PLK1: variants seen among roughly 807,000 people sequenced by gnomAD.
PLK1 encodes the protein polo like kinase 1.
A neutral mutation model predicts 56.7 loss-of-function variants in PLK1; 6 were observed. That is an observed-to-expected ratio of 0.11 (90% CI 0.06 to 0.21). The LOEUF is 0.21. Among genes scored for constraint, PLK1 ranks in the 10% least tolerant of loss-of-function variants. The pLI is 1.00. For synonymous variants in PLK1, 298 were observed against 325.0 expected (o/e 0.92, Z 0.89); for missense variants, 546 against 814.4 (o/e 0.67, Z 4.01).
Position 23,679,239 on chromosome 16 carries a change from T to A in PLK1, c.307T>A (p.Ser103Thr), listed in dbSNP as rs1187983580. The change falls in exon 1 of 10, where the codon TCC becomes ACC. Residue 103 changes from serine to threonine, a missense_variant. Physicochemically the swap from Ser to Thr is moderately conservative, Grantham distance 58 (BLOSUM62 1). This residue lies in a region of PLK1 where 111 missense variants were observed against 211.8 expected (regional missense o/e 0.52). Transcript: ENST00000300093. Reference sequence around the variant, plus strand: ...GAGGGAGAAGATGTCCATGGAAATATCCATTCACCGCAGCCTCGCCCACCA... The same window carrying A: ...GAGGGAGAAGATGTCCATGGAAATAACCATTCACCGCAGCCTCGCCCACCA... ...HQREKMSMEI[S>T]IHRSLAHQHV... 6.2e-7 allele frequency: 1 copy of A among 1,613,990 alleles called. No individual in the cohort carries two copies. Among genetic ancestry groups the A allele is most frequent in the African/African-American group, 1.3e-5 (1 of 74,930 alleles).
rs1228856341 is a variant in PLK1 at position 23,690,216 on chromosome 16, T to C, written c.*153T>C. 3 of 655,860 alleles carry C rather than the reference T, an allele frequency of 4.6e-6. No homozygotes were observed. Among genetic ancestry groups the C allele is most frequent in the Non-Finnish European group, 8.2e-6 (3 of 367,246 alleles). The allele number at this position is 655,860 out of a possible 1,614,324, so 40.6% of individuals were successfully genotyped here. On this transcript the variant is annotated 3_prime_UTR_variant, in exon 10 of 10. Coordinates refer to ENST00000300093, the MANE Select transcript of PLK1 (RefSeq NM_005030.6). The stretch of plus-strand genomic sequence containing the variant: ...TCATCCTTGCAGGTGGGGGTTGCTG[T>C]ATAAGTTATTTTTGTACATGTTCGG...
intron 5 of PLK1, among the ~76,000 whole-genome samples, chr16:23,685,490 C>G (rs886613259): frequency 2.0e-5 from 3 of 151,886 alleles, no homozygotes; most frequent in Non-Finnish European, 4.4e-5. Flanking sequence ...GTGGATTGCC[C>G]GAGCTCAGGA....
chr16:23,687,829 G>T (rs1567240272), intron 6 of PLK1: 2 of 388,156 alleles, frequency 5.2e-6, no homozygotes, highest in Middle Eastern at 6.4e-4. Context: ...CTAGCACCTC[G>T]ATGTGCCACC....
At chr16:23,686,572 A>G (rs1342896478) in intron 5 of PLK1, among the ~76,000 whole-genome samples, 2 of 152,140 alleles carry the variant, frequency 1.3e-5, no homozygotes, top group Admixed American at 1.3e-4. Flanking sequence ...GGCTCACTGC[A>G]GCCTCCACCT....
chr16:23,679,009 C>T lies in PLK1; in HGVS notation c.77C>T (p.Ala26Val). ...DPGKAGVPGV[A>V]APGAPAAAPP... ...GGGAAAGCCGGGGTCCCCGGAGTTG[C>T]AGCTCCCGGAGCTCCGGCGGCGGCT... The change falls in exon 1 of 10, where the codon GCA becomes GTA. Residue 26 changes from alanine (A) to valine (V), a missense_variant. Around this residue, in one of 7 missense-constraint regions of PLK1, gnomAD observed 72 missense variants for 63.7 expected, o/e 1.13. Transcript: ENST00000300093. 4 of 1,606,896 alleles carry T rather than the reference C, an allele frequency of 2.5e-6. No homozygotes were observed. The highest frequency in any genetic ancestry group is 3.4e-6 in the Non-Finnish European group (4 of 1,177,168).
rs1207951092 is a variant in PLK1 at position 23,689,592 on chromosome 16, G to A, written c.1524G>A (p.Leu508=). Residue 508 remains leucine (L), a synonymous_variant, in exon 9 of 10, where the codon CTG becomes CTA. Transcript: ENST00000300093. This position sits in a 1 kb window ranked among gnomAD's most constrained non-coding sequence, Gnocchi z 4.8. The part of the protein sequence containing the change: ...TPREGDELAR[L]PYLRTWFRTR... ...GCGAAGGTGATGAGCTCGCCCGGCTGCCCTACCTACGGACCTGGTTCCGCA... is the reference window on the plus strand; with the variant it reads ...GCGAAGGTGATGAGCTCGCCCGGCTACCCTACCTACGGACCTGGTTCCGCA... 1 of 1,613,372 alleles carries A rather than the reference G, an allele frequency of 6.2e-7. No individual in the cohort carries two copies. Among genetic ancestry groups the A allele is most frequent in the Non-Finnish European group, 8.5e-7 (1 of 1,179,988 alleles).
intron 5 of PLK1, among the ~76,000 whole-genome samples, chr16:23,686,468 C>T (rs556561301): frequency 7.2e-5 from 11 of 151,858 alleles, no homozygotes; most frequent in South Asian, 6.2e-4. Flanking sequence ...TTTTTGTTAC[C>T]GGTGTTTTAA....
At position 23,682,073 on chromosome 16, in the gene PLK1, GT is replaced by G; in HGVS notation, c.734del (p.Leu245Ter). The G allele has an allele frequency of 6.3e-7, 1 of 1,592,284 alleles. No homozygotes were observed. The highest frequency in any genetic ancestry group is 8.6e-7 in the Non-Finnish European group (1 of 1,160,094). ...TACCTTGTGCTTACAGGTATACCTT[GT>G]TAGTGGGCAAACCACCTTTTGAGAC... ...WSIGCIMYTL[L>X]VGKPPFETSC... On this transcript the variant is annotated frameshift_variant, in exon 4 of 10. Coordinates refer to ENST00000300093, the MANE Select transcript of PLK1 (RefSeq NM_005030.6). LOFTEE classifies it high-confidence loss of function.
chr16:23,688,861 C>A, intron 7 of PLK1, 116 bp downstream of exon 7: 1 of 750,142 alleles, frequency 1.3e-6, no homozygotes, highest in South Asian at 1.5e-5. Context: ...CCTCCTCTCT[C>A]CATCCCAGGC....
chr16:23,683,249 C>T (rs1329527089), intron 4 of PLK1, among the ~76,000 whole-genome samples: 1 of 152,042 alleles, frequency 6.6e-6, no homozygotes, highest in East Asian at 1.9e-4. Flanking sequence ...GCTTCGGACT[C>T]CCTAAGTGCT....
intron 5 of PLK1, among the ~76,000 whole-genome samples, chr16:23,686,186 G>T (rs923543599): frequency 1.3e-5 from 2 of 152,032 alleles, no homozygotes; most frequent in African/African-American, 4.8e-5. Flanking sequence ...CTTTAGGCAT[G>T]TGCCACCGCG....
intron 3 of PLK1, among the ~76,000 whole-genome samples, chr16:23,681,518 T>G (rs16972790): frequency 0.063 from 9,669 of 152,292 alleles, 642 homozygotes; most frequent in African/African-American, 0.16. Context: ...GGAAAGATGA[T>G]GTGCCAGTGG....
rs536418824 is a variant in PLK1, at chr16:23,680,136, G to A, written c.461G>A (p.Arg154Gln). The change falls in exon 2 of 10, where the codon CGA becomes CAA. Residue 154 changes from arginine (R) to glutamine (Q), a missense_variant. Physicochemically the swap from Arg to Gln is conservative, Grantham distance 43. Transcript: ENST00000300093. ...AAAGCCCTGACTGAGCCTGAGGCCCGATACTACCTACGGCAAATTGTGCTT... is the reference window on the plus strand; with the variant it reads ...AAAGCCCTGACTGAGCCTGAGGCCCAATACTACCTACGGCAAATTGTGCTT... ...RRKALTEPEA[R>Q]YYLRQIVLGC... 1.7e-5 allele frequency: 27 copies of A among 1,614,028 alleles called. 1 individual carries two copies. The South Asian group carries it at 3.0e-4, about 18-fold the overall frequency.
intron 1 of PLK1, chr16:23,679,828 TA>T: frequency 2.7e-6 from 1 of 365,424 alleles, no homozygotes; most frequent in Non-Finnish European, 5.0e-6. Context: ...GACCCCCAGG[TA>T]AGGGGGGAAG....
chr16:23,683,533 T>C (rs1959374369), intron 4 of PLK1, among the ~76,000 whole-genome samples: 1 of 151,908 alleles, frequency 6.6e-6, no homozygotes, highest in Admixed American at 6.6e-5. Flanking sequence ...TCCTCCTCTG[T>C]GAAAAAGGGA....
chr16:23,685,672 C>T (rs901844250), intron 5 of PLK1, among the ~76,000 whole-genome samples: 2 of 150,912 alleles, frequency 1.3e-5, no homozygotes, highest in Admixed American at 1.3e-4. Context: ...CTCACCACTG[C>T]ACTCCAGCCT....
rs756199136 is a variant in PLK1, at chr16:23,680,909, C to A, written c.578-5C>A. 1 of 1,609,232 alleles carries A rather than the reference C, an allele frequency of 6.2e-7. No individual in the cohort carries two copies. Among genetic ancestry groups the A allele is most frequent in the South Asian group, 1.1e-5 (1 of 90,052 alleles). ...AAGTACCAACTCTTCCTCCCTCTGTCCCAGGGGATTTTGGACTGGCAACCA... is the reference window on the plus strand; with the variant it reads ...AAGTACCAACTCTTCCTCCCTCTGTACCAGGGGATTTTGGACTGGCAACCA... On this transcript the variant is annotated splice_polypyrimidine_tract_variant and splice_region_variant and intron_variant, in intron 2 of 9. Coordinates refer to ENST00000300093, the MANE Select transcript of PLK1 (RefSeq NM_005030.6).
chr16:23,687,663 G>A, intron 6 of PLK1, 39 bp downstream of exon 6: 1 of 1,461,808 alleles, frequency 6.8e-7, no homozygotes, highest in Non-Finnish European at 9.2e-7. Flanking sequence ...AGGATTGCTT[G>A]GGGCATCTGG....
In PLK1 at chr16:23,689,886, A is replaced by G; in HGVS notation, c.1635A>G (p.Pro545=). 6.2e-7 allele frequency: 1 copy of G among 1,614,000 alleles called. No individual in the cohort carries two copies. The highest frequency in any genetic ancestry group is 2.2e-5 in the East Asian group (1 of 44,872). The part of the protein sequence containing the change: ...FQDHTKLILC[P]LMAAVTYIDE... ...ATCACACCAAGCTCATCTTGTGCCC[A>G]CTGATGGCAGCCGTGACCTACATCG... The change falls in exon 10 of 10, where the codon CCA becomes CCG. Residue 545 remains proline, a synonymous_variant. Transcript: ENST00000300093. The surrounding 1 kb of genome is among the most constrained non-coding windows in gnomAD (Gnocchi z 4.8).
Sources: allele counts gnomAD v4.1 joint callset (sites outside exome capture counted in the v4.1 genomes callset), GRCh38; gene constraint gnomAD v4.1.1; regional missense constraint gnomAD v4.1.1; non-coding constraint Gnocchi (gnomAD v3.1); transcripts MANE v1.5; gene names NCBI Gene and HGNC (gene_info 2026-07-23, HGNC 2026-07-21).